ARHGEF7: variants seen among roughly 807,000 people sequenced by gnomAD.
The protein encoded by ARHGEF7 is PAK-interacting exchange factor beta.
In ARHGEF7, 33 loss-of-function variants were observed where a neutral mutation model predicts 109.8. The ratio of observed to expected loss-of-function variants is 0.30; its 90% confidence interval spans 0.23 to 0.40. ARHGEF7 has a LOEUF of 0.40. Ranked by LOEUF, ARHGEF7 falls within the 10% of genes least tolerant of loss-of-function variation. The pLI is 1.00. For missense variants in ARHGEF7, 938 were observed against 1,098.5 expected, an observed-to-expected ratio of 0.85 and a Z score of 2.07; for synonymous variants, 458 against 424.6, an observed-to-expected ratio of 1.08 and a Z score of -0.97.
intron 2 of ARHGEF7, among the ~76,000 whole-genome samples, chr13:111,199,160 T>A (rs1014711972): frequency 3.9e-5 from 6 of 152,168 alleles, no homozygotes; most frequent in African/African-American, 1.4e-4. Flanking sequence ...TGCCCCTGCC[T>A]GTAGGAAGCT....
Position 111,272,189 on chromosome 13 carries a change from C to G in ARHGEF7, c.1074-1625C>G, listed in dbSNP as rs374254945. On this transcript the variant is annotated intron_variant, in intron 9 of 21. Coordinates refer to ENST00000646102, the MANE Select transcript of ARHGEF7 (RefSeq NM_001354046.2). This position sits in a 1 kb window ranked among gnomAD's most constrained non-coding sequence, Gnocchi z 5.2. ...CACATGGAATAAGGAGGGTGAGAAG[C>G]GGGAAGGGCTGGCACCACCCTGGCT... 1.3e-5 allele frequency among the ~76,000 whole-genome samples: 2 copies of G among 152,180 alleles called. No individual in the cohort carries two copies. The highest frequency in any genetic ancestry group is 2.1e-4 in the South Asian group (1 of 4,814).
At chr13:111,280,197 T>C in intron 13 of ARHGEF7, 75 bp from the exon 14 acceptor site, 3 of 1,404,556 alleles carry the variant, frequency 2.1e-6, no homozygotes, top group South Asian at 2.6e-5. Context: ...TCATTTAATA[T>C]TGACTTTAAT....
At chr13:111,195,229 C>T (rs1003202380) in intron 2 of ARHGEF7, among the ~76,000 whole-genome samples, 1 of 152,146 alleles carries the variant, frequency 6.6e-6, no homozygotes, top group African/African-American at 2.4e-5. Flanking sequence ...TTCCAATGCC[C>T]AGACTTCAGG....
intron 5 of ARHGEF7, among the ~76,000 whole-genome samples, chr13:111,219,564 G>C (rs1253847406): frequency 6.6e-6 from 1 of 152,082 alleles, no homozygotes; most frequent in Non-Finnish European, 1.5e-5. Context: ...ACTGCCACGT[G>C]GTTTTCCCCA....
chr13:111,146,262 T>A (rs557229478), intron 1 of ARHGEF7, among the ~76,000 whole-genome samples: 1 of 152,244 alleles, frequency 6.6e-6, no homozygotes, highest in African/African-American at 2.4e-5. Context: ...TACCACTAGG[T>A]TCTCTAAGTA....
chr13:111,115,781 T>A (rs1214653122), intron 1 of ARHGEF7, 90 bp downstream of exon 1: 3 of 715,154 alleles, frequency 4.2e-6, no homozygotes, highest in East Asian at 7.8e-5. Flanking sequence ...CCGGCCGCGC[T>A]CGGGAAACCC....
chr13:111,237,351 A>G (rs2086973966), intron 6 of ARHGEF7, among the ~76,000 whole-genome samples: 1 of 152,242 alleles, frequency 6.6e-6, no homozygotes, highest in Non-Finnish European at 1.5e-5. Context: ...AACTCACCAT[A>G]AAAATTTTAA....
intron 1 of ARHGEF7, among the ~76,000 whole-genome samples, chr13:111,137,516 T>C (rs1183072862): frequency 6.6e-6 from 1 of 152,218 alleles, no homozygotes; most frequent in Non-Finnish European, 1.5e-5. Context: ...AACTAGTACC[T>C]TCTTAGTTCA....
At chr13:111,297,415 T>C (rs922283687) in intron 19 of ARHGEF7, among the ~76,000 whole-genome samples, 14 of 152,240 alleles carry the variant, frequency 9.2e-5, no homozygotes, top group African/African-American at 2.9e-4. Flanking sequence ...TCTCGCATGC[T>C]TTAAGTGTAG....
chr13:111,244,855 G>A lies in ARHGEF7; in HGVS notation c.950+561G>A, dbSNP rs190324893. ...ACACATTTTCACCAGTGAGAAATAA[G>A]TTTTATTCTTGTAGCGTAAAAATCT... On this transcript the variant is annotated intron_variant, in intron 8 of 21. Coordinates refer to ENST00000646102, the MANE Select transcript of ARHGEF7 (RefSeq NM_001354046.2). Among the ~76,000 whole-genome samples the A allele has an allele frequency of 3.0e-3, 464 of 152,342 alleles. 2 individuals are homozygous for A. Among genetic ancestry groups the A allele is most frequent in the Middle Eastern group, 0.01 (3 of 294 alleles).
chr13:111,264,680 G>A (rs1298335513), intron 8 of ARHGEF7, among the ~76,000 whole-genome samples: 2 of 152,212 alleles, frequency 1.3e-5, no homozygotes, highest in African/African-American at 2.4e-5. Flanking sequence ...GAGAGAGATG[G>A]ACAGTTAAAT....
intron 6 of ARHGEF7, among the ~76,000 whole-genome samples, chr13:111,235,185 T>C (rs1237299798): frequency 1.3e-5 from 2 of 152,358 alleles, no homozygotes; most frequent in Middle Eastern, 3.4e-3. Context: ...CAGGTCCAGA[T>C]AATTCTGTTA....
At chr13:111,140,171 C>A (rs1237970803) in intron 1 of ARHGEF7, among the ~76,000 whole-genome samples, 1 of 152,138 alleles carries the variant, frequency 6.6e-6, no homozygotes, top group East Asian at 1.9e-4. Flanking sequence ...AATAATATAC[C>A]AAGTGCCTGT....
At chr13:111,253,796 C>T (rs1039005250) in intron 8 of ARHGEF7, among the ~76,000 whole-genome samples, 3 of 152,188 alleles carry the variant, frequency 2.0e-5, no homozygotes, top group East Asian at 1.9e-4. Flanking sequence ...CAGCCTCCCC[C>T]GATCCCTATA....
intron 8 of ARHGEF7, among the ~76,000 whole-genome samples, chr13:111,245,540 C>T (rs1420236599): frequency 6.6e-6 from 1 of 152,132 alleles, no homozygotes; most frequent in Non-Finnish European, 1.5e-5. Context: ...AGTTCTTTAG[C>T]AGCTTCTCGT....
intron 8 of ARHGEF7, among the ~76,000 whole-genome samples, chr13:111,265,124 C>CA (rs976877106): frequency 0.16 from 11,304 of 69,010 alleles, 1,085 homozygotes; most frequent in African/African-American, 0.31. Context: ...AACTCCATCT[C>CA]AAAAAAAAAA....
chr13:111,223,951 G>A (rs9522163), intron 5 of ARHGEF7, among the ~76,000 whole-genome samples: 47,089 of 151,120 alleles, frequency 0.31, 8,154 homozygotes, highest in Non-Finnish European at 0.39. Context: ...CCACCTCCTG[G>A]GTTCAAGCGA....
intron 18 of ARHGEF7, among the ~76,000 whole-genome samples, chr13:111,289,492 C>T (rs1412120267): frequency 1.3e-5 from 2 of 152,232 alleles, no homozygotes; most frequent in Non-Finnish European, 2.9e-5. Flanking sequence ...TCGGACACCA[C>T]AGGTGGTCCT....
At chr13:111,154,185 G>A (rs908987553) in intron 2 of ARHGEF7, among the ~76,000 whole-genome samples, 194 bp downstream of exon 2, 4 of 152,240 alleles carry the variant, frequency 2.6e-5, no homozygotes, top group African/African-American at 9.6e-5. Context: ...GCGGCGCGCG[G>A]GCCACCCCCA....
Sources: allele counts gnomAD v4.1 joint callset (sites outside exome capture counted in the v4.1 genomes callset), GRCh38; gene constraint gnomAD v4.1.1; non-coding constraint Gnocchi (gnomAD v3.1); transcripts MANE v1.5; gene names NCBI Gene and HGNC (gene_info 2026-07-23, HGNC 2026-07-21).